The following ARID1B variants were observed in gnomAD, a reference collection of about 807,000 sequenced individuals.
ARID1B encodes AT-rich interactive domain-containing protein 1B.
ARID1B carries 30 observed loss-of-function variants against 212.3 expected under a neutral mutation model. The observed-to-expected ratio is 0.14, with a 90% CI of 0.11 to 0.19. ARID1B has a LOEUF of 0.19. Among genes scored for constraint, ARID1B ranks in the 10% least tolerant of loss-of-function variants. The pLI is 1.00. For missense variants in ARID1B, 2,891 were observed against 3,204.0 expected (o/e 0.90, Z 2.36); for synonymous variants, 1,402 against 1,301.7 (o/e 1.08, Z -1.66).
intron 2 of ARID1B, among the ~76,000 whole-genome samples, chr6:156,866,618 CCAGAGTCTCT>C (rs1315230610): frequency 6.6e-6 from 1 of 152,082 alleles, no homozygotes; most frequent in Non-Finnish European, 1.5e-5. Context: ...CTGTCTTTAT[CCAGAGTCTCT>C]TTAGGTTAAA....
At chr6:157,137,400 T>C (rs1171458257) in intron 7 of ARID1B, among the ~76,000 whole-genome samples, 1 of 152,158 alleles carries the variant, frequency 6.6e-6, no homozygotes, top group East Asian at 1.9e-4. Context: ...GAAAGAGGAC[T>C]GTGGGGACTT....
At chr6:157,157,768 A>C (rs1042652964) in intron 8 of ARID1B, among the ~76,000 whole-genome samples, 4 of 152,224 alleles carry the variant, frequency 2.6e-5, no homozygotes, top group Admixed American at 6.5e-5. Context: ...CACGCCCGTA[A>C]TCCCAGTACT....
At chr6:157,019,465 A>G (rs1206925488) in intron 4 of ARID1B, among the ~76,000 whole-genome samples, 2 of 152,232 alleles carry the variant, frequency 1.3e-5, no homozygotes, top group Non-Finnish European at 2.9e-5. Context: ...TAACTTCTCC[A>G]AAGCCACTGC....
At chr6:157,119,312 A>G (rs778508592) in intron 6 of ARID1B, among the ~76,000 whole-genome samples, 1 of 152,084 alleles carries the variant, frequency 6.6e-6, no homozygotes, top group Non-Finnish European at 1.5e-5. Flanking sequence ...CGGTGAGAGC[A>G]TGTCATTCCT....
chr6:157,202,761 A>G (rs1025160222), intron 18 of ARID1B, among the ~76,000 whole-genome samples: 1 of 150,250 alleles, frequency 6.7e-6, no homozygotes, highest in African/African-American at 2.4e-5. Context: ...ATATAGATAT[A>G]TAGATATATA....
intron 4 of ARID1B, among the ~76,000 whole-genome samples, chr6:157,064,846 CCT>C (rs2128415549): frequency 6.6e-6 from 1 of 152,298 alleles, no homozygotes; most frequent in South Asian, 2.1e-4. Flanking sequence ...ACTTTCTCTC[CCT>C]CTTTTTTTGA....
At chr6:156,869,753 A>G (rs929977535) in intron 2 of ARID1B, among the ~76,000 whole-genome samples, 1 of 152,220 alleles carries the variant, frequency 6.6e-6, no homozygotes, top group Admixed American at 6.5e-5. Flanking sequence ...TTCATATCAA[A>G]TTTTATATGC....
Position 156,976,999 on chromosome 6 carries a change from C to T in ARID1B, c.2247+41423C>T, listed in dbSNP as rs35063756. On this transcript the variant is annotated intron_variant, in intron 4 of 19. Transcript: ENST00000636930. ...TTTGGTTTCATTGCACTGACAACCT[C>T]GGCTGGCATCATGGACCATAAGGAA... 3.1e-3 allele frequency: 1,597 copies of T among 510,984 alleles called. 14 individuals carry two copies. The highest frequency in any genetic ancestry group is 0.021 in the Middle Eastern group (32 of 1,504). The allele number at this position is 510,984 out of a possible 1,614,324, so 31.7% of individuals were successfully genotyped here. A position where few individuals can be genotyped will look rare whatever the true frequency, so the allele number is the denominator to read the frequency against.
At chr6:157,097,815 C>CT (rs1465310218) in intron 5 of ARID1B, among the ~76,000 whole-genome samples, 1 of 152,166 alleles carries the variant, frequency 6.6e-6, no homozygotes, top group Non-Finnish European at 1.5e-5. Context: ...TTTTTTTCTT[C>CT]TCCCCTTTGT....
At chr6:156,780,055 T>A (rs900856810) in intron 1 of ARID1B, among the ~76,000 whole-genome samples, 2 of 152,086 alleles carry the variant, frequency 1.3e-5, no homozygotes, top group Non-Finnish European at 2.9e-5. Flanking sequence ...TCAGAGACAC[T>A]CGGTGCGGGC....
chr6:156,884,941 C>G (rs991075691), intron 2 of ARID1B, among the ~76,000 whole-genome samples: 3 of 152,008 alleles, frequency 2.0e-5, no homozygotes, highest in African/African-American at 7.3e-5. Flanking sequence ...TTTCATTGTT[C>G]TTGTAAGAAA....
chr6:157,107,056 T>C (rs1433925688), intron 5 of ARID1B, among the ~76,000 whole-genome samples: 3 of 152,240 alleles, frequency 2.0e-5, no homozygotes, highest in Admixed American at 2.0e-4. Flanking sequence ...TAGATTGTAC[T>C]GAGAAGGGTA....
chr6:156,817,946 A>T (rs921821093), intron 1 of ARID1B, among the ~76,000 whole-genome samples: 2 of 152,110 alleles, frequency 1.3e-5, no homozygotes, highest in Non-Finnish European at 2.9e-5. Flanking sequence ...CAGTGCAGTT[A>T]TCACTGTCAG....
At chr6:157,057,469 A>T (rs531656774) in intron 4 of ARID1B, among the ~76,000 whole-genome samples, 3 of 152,208 alleles carry the variant, frequency 2.0e-5, no homozygotes, top group Admixed American at 6.5e-5. Context: ...ATAGATAGTT[A>T]TGTAAGATGA....
intron 8 of ARID1B, among the ~76,000 whole-genome samples, chr6:157,159,458 C>T (rs1028052675): frequency 1.3e-5 from 2 of 152,166 alleles, no homozygotes; most frequent in Non-Finnish European, 2.9e-5. Flanking sequence ...ACAACTAAAG[C>T]TGGTTACCTG....
intron 3 of ARID1B, among the ~76,000 whole-genome samples, chr6:156,931,916 T>C (rs2128261639): frequency 6.8e-6 from 1 of 147,300 alleles, no homozygotes; most frequent in South Asian, 2.2e-4. Flanking sequence ...GAGCTGAGAT[T>C]GCGCGATGCA....
intron 2 of ARID1B, among the ~76,000 whole-genome samples, chr6:156,833,313 A>G (rs957562661): frequency 6.6e-6 from 1 of 152,206 alleles, no homozygotes; most frequent in African/African-American, 2.4e-5. Context: ...GTGATCATAA[A>G]TGTACACCTA....
At chr6:157,169,283 T>C (rs1791549807) in intron 9 of ARID1B, 1 of 152,264 alleles carries the variant, frequency 6.6e-6, no homozygotes, top group Non-Finnish European at 1.5e-5. Context: ...GGTGGAATTT[T>C]CTGAACCTCA....
chr6:157,112,451 G>A (rs1220033212), intron 6 of ARID1B, among the ~76,000 whole-genome samples: 3 of 152,252 alleles, frequency 2.0e-5, no homozygotes, highest in Non-Finnish European at 2.9e-5. Flanking sequence ...GTGCCTACTC[G>A]GGTCAGGCAG....
Sources: gnomAD v4.1 joint callset for allele counts (sites outside exome capture counted in the v4.1 genomes callset) on GRCh38, gnomAD v4.1.1 for gene constraint, MANE v1.5 for transcripts, NCBI Gene and HGNC (gene_info 2026-07-23, HGNC 2026-07-21) for gene names.